Variants in NUP37 observed in about 807,000 individuals in gnomAD.
The protein encoded by NUP37 is nucleoporin 37.
In NUP37, 33 loss-of-function variants were observed where a neutral mutation model predicts 45.4. That is an observed-to-expected ratio of 0.73 (90% CI 0.55 to 0.97). NUP37 has a LOEUF of 0.97. NUP37 is among the 50% of genes least tolerant of loss of function. The pLI is 0.00. For synonymous variants in NUP37, 127 were observed against 130.7 expected (o/e 0.97, Z 0.19); for missense variants, 365 against 389.7 (o/e 0.94, Z 0.53).
chr12:102,112,068 G>T, intron 3 of NUP37, 40 bp downstream of exon 3: 1 of 1,587,324 alleles, frequency 6.3e-7, no homozygotes, highest in Non-Finnish European at 8.6e-7. Flanking sequence ...CACAATCAAA[G>T]TACATTAGTA....
intron 5 of NUP37, among the ~76,000 whole-genome samples, chr12:102,097,863 A>C (rs146702324): frequency 6.6e-6 from 1 of 152,190 alleles, no homozygotes; most frequent in Non-Finnish European, 1.5e-5. Flanking sequence ...TAAATCTTTC[A>C]TATCTCTGAC....
intron 5 of NUP37, among the ~76,000 whole-genome samples, chr12:102,088,857 G>A (rs1160168718): frequency 2.6e-5 from 4 of 150,970 alleles, no homozygotes; most frequent in African/African-American, 4.9e-5. Flanking sequence ...AGGTCCCTGC[G>A]GCCTTCCGCA....
At position 102,118,491 on chromosome 12, in the gene NUP37, C is replaced by T; in HGVS notation, c.28G>A (p.Ala10Thr). 1 of 1,610,808 alleles carries T rather than the reference C, an allele frequency of 6.2e-7. No individual in the cohort carries two copies. Among genetic ancestry groups the T allele is most frequent in the Non-Finnish European group, 8.5e-7 (1 of 1,179,334 alleles). Residue 10 changes from alanine to threonine, a missense_variant, in exon 2 of 10, where the codon GCC becomes ACC. Coordinates refer to ENST00000552283, the MANE Select transcript of NUP37 (RefSeq NM_024057.4). MKQDASRNA[A>T]YTVDCEDYVH... is the part of the protein sequence containing the mutation. ...TAATCTTCACAATCCACAGTGTAGG[C>T]AGCATTTCTTGAGGCATCTTGCTTC...
At chr12:102,100,003 A>G (rs1443377822) in intron 4 of NUP37, among the ~76,000 whole-genome samples, 1 of 152,158 alleles carries the variant, frequency 6.6e-6, no homozygotes, top group East Asian at 1.9e-4. Flanking sequence ...AAAAACAAAA[A>G]GATTTGGGTC....
intron 3 of NUP37, among the ~76,000 whole-genome samples, chr12:102,110,223 G>A (rs1880271462): frequency 6.6e-6 from 1 of 152,172 alleles, no homozygotes; most frequent in African/African-American, 2.4e-5. Flanking sequence ...AGACAGGCTG[G>A]GCACAGTGGC....
In NUP37 at chr12:102,087,388, C is replaced by A. The variant is rs529377177; in HGVS notation, c.450-1532G>T. ...AATGTTGAAATATCATAGTTACATA[C>A]AAATGAACACAGATGTTTTTCAAAA... On this transcript the variant is annotated intron_variant, in intron 5 of 9. Coordinates refer to ENST00000552283, the MANE Select transcript of NUP37 (RefSeq NM_024057.4). 9.9e-4 allele frequency among the ~76,000 whole-genome samples: 151 copies of A among 152,256 alleles called. 1 individual carries two copies. The highest frequency in any genetic ancestry group is 3.6e-3 in the African/African-American group (149 of 41,558).
At chr12:102,098,123 T>C (rs976187224) in intron 5 of NUP37, among the ~76,000 whole-genome samples, 1 of 152,170 alleles carries the variant, frequency 6.6e-6, no homozygotes, top group African/African-American at 2.4e-5. Flanking sequence ...CACAGTATCG[T>C]TAAAGCAAAT....
chr12:102,105,895 G>T (rs1012605935), intron 3 of NUP37, among the ~76,000 whole-genome samples: 5 of 145,758 alleles, frequency 3.4e-5, no homozygotes, highest in South Asian at 4.3e-4. Context: ...TCCTCAAAAA[G>T]ATAAGTCTAT....
At chr12:102,115,687 T>A in intron 2 of NUP37, 1 of 273,960 alleles carries the variant, frequency 3.7e-6, no homozygotes, top group Non-Finnish European at 5.6e-6. Context: ...AACATGAGAT[T>A]CTGAAAAATG....
chr12:102,118,074 T>A (rs766304869), intron 2 of NUP37, among the ~76,000 whole-genome samples: 1 of 152,216 alleles, frequency 6.6e-6, no homozygotes, highest in African/African-American at 2.4e-5. Flanking sequence ...ATATTGTTTT[T>A]TTCCTGTACA....
intron 5 of NUP37, among the ~76,000 whole-genome samples, chr12:102,090,301 T>C (rs11111158): frequency 0.017 from 2,562 of 152,266 alleles, 70 homozygotes; most frequent in African/African-American, 0.059. Context: ...TTTTAAAATG[T>C]TGTAAACACA....
chr12:102,088,101 G>A (rs1199034809), intron 5 of NUP37, among the ~76,000 whole-genome samples: 1 of 152,130 alleles, frequency 6.6e-6, no homozygotes, highest in Non-Finnish European at 1.5e-5. Flanking sequence ...AATTCTTAGT[G>A]GTTACACAAT....
chr12:102,106,777 C>G (rs1479687704), intron 3 of NUP37, among the ~76,000 whole-genome samples: 1 of 152,144 alleles, frequency 6.6e-6, no homozygotes, highest in African/African-American at 2.4e-5. Context: ...GAAACTGGCC[C>G]AACTTCCCCA....
intron 3 of NUP37, among the ~76,000 whole-genome samples, chr12:102,102,294 A>C (rs1879993290): frequency 6.6e-6 from 1 of 152,062 alleles, no homozygotes; most frequent in African/African-American, 2.4e-5. Context: ...CTTTCCAGTA[A>C]TTTGTCAAGA....
chr12:102,074,632 C>A, intron 9 of NUP37, 165 bp from the exon 10 acceptor site: 2 of 561,354 alleles, frequency 3.6e-6, no homozygotes, highest in East Asian at 5.8e-5. Flanking sequence ...TGATACGCAG[C>A]TGAAACATGG....
At chr12:102,075,623 TTG>T (rs1419252109) in intron 8 of NUP37, among the ~76,000 whole-genome samples, 1 of 152,242 alleles carries the variant, frequency 6.6e-6, no homozygotes, top group African/African-American at 2.4e-5. Flanking sequence ...AGTGCTTATT[TTG>T]TGTCATTTCA....
At chr12:102,093,868 G>C (rs935583283) in intron 5 of NUP37, among the ~76,000 whole-genome samples, 4 of 151,982 alleles carry the variant, frequency 2.6e-5, no homozygotes, top group African/African-American at 4.8e-5. Flanking sequence ...TCACTGATTT[G>C]GTGATATATT....
chr12:102,098,156 T>A (rs919077603), intron 5 of NUP37, among the ~76,000 whole-genome samples: 1 of 152,172 alleles, frequency 6.6e-6, no homozygotes, highest in Non-Finnish European at 1.5e-5. Context: ...ACCCTTCCAA[T>A]GACTGATGCA....
chr12:102,113,213 C>T (rs1046358816), intron 2 of NUP37, among the ~76,000 whole-genome samples: 1 of 152,152 alleles, frequency 6.6e-6, no homozygotes, highest in Non-Finnish European at 1.5e-5. Context: ...CTTCAGTTTG[C>T]AAGAGAGAAG....
Sources: allele counts gnomAD v4.1 joint callset (sites outside exome capture counted in the v4.1 genomes callset), GRCh38; gene constraint gnomAD v4.1.1; transcripts MANE v1.5; gene names NCBI Gene and HGNC (gene_info 2026-07-23, HGNC 2026-07-21).